Variants in KIF26B observed in about 807,000 individuals in gnomAD.
The protein encoded by KIF26B is kinesin family member 26B, also known as kinesin-like protein KIF26B.
KIF26B carries 63 observed loss-of-function variants against 151.2 expected under a neutral mutation model. The ratio of observed to expected loss-of-function variants is 0.42; its 90% CI spans 0.34 to 0.51. The LOEUF is 0.51. KIF26B is among the 20% of genes least tolerant of loss of function. The pLI is 0.07. For missense variants in KIF26B, 2,813 were observed against 2,913.6 expected (o/e 0.97, Z 0.79); for synonymous variants, 1,357 against 1,262.1 (o/e 1.08, Z -1.59).
intron 4 of KIF26B, among the ~76,000 whole-genome samples, chr1:245,446,034 A>G (rs1268472792): frequency 6.6e-6 from 1 of 152,220 alleles, no homozygotes; most frequent in Non-Finnish European, 1.5e-5. Context: ...ACGTTCTGAG[A>G]GAGGCATTGT....
intron 2 of KIF26B, among the ~76,000 whole-genome samples, chr1:245,291,138 C>T (rs1671248130): frequency 1.3e-5 from 2 of 152,224 alleles, no homozygotes; most frequent in Admixed American, 1.3e-4. Flanking sequence ...CCAGGCTCAA[C>T]TGGCACATCA....
chr1:245,359,014 TTC>T (rs780433775), intron 2 of KIF26B, among the ~76,000 whole-genome samples: 35 of 152,100 alleles, frequency 2.3e-4, no homozygotes, highest in South Asian at 4.2e-4. Flanking sequence ...GAAATCAGGT[TTC>T]TCTCTCTTTT....
chr1:245,492,977 C>T (rs992652237), intron 4 of KIF26B, among the ~76,000 whole-genome samples: 3 of 152,200 alleles, frequency 2.0e-5, no homozygotes, highest in South Asian at 4.2e-4. Flanking sequence ...GACGGGGTTT[C>T]ATCATGTTGG....
chr1:245,214,153 C>T (rs764530943), intron 2 of KIF26B: 2 of 152,124 alleles, frequency 1.3e-5, no homozygotes, highest in East Asian at 1.9e-4. Context: ...TCATTACATA[C>T]CTCAGTGACC....
chr1:245,222,372 G>A (rs1179382298), intron 2 of KIF26B, among the ~76,000 whole-genome samples: 1 of 152,156 alleles, frequency 6.6e-6, no homozygotes, highest in East Asian at 1.9e-4. Context: ...GGGAGGCGGA[G>A]GTTGCAGTGT....
chr1:245,310,987 C>T lies in KIF26B; in HGVS notation c.466-55847C>T, dbSNP rs71636541. 6.8e-3 allele frequency among the ~76,000 whole-genome samples: 1,040 copies of T among 152,302 alleles called. 6 individuals carry two copies. Among genetic ancestry groups the T allele is most frequent in the Middle Eastern group, 0.024 (7 of 294 alleles). On this transcript the variant is annotated intron_variant, in intron 2 of 14. Coordinates refer to ENST00000407071, the MANE Select transcript of KIF26B (RefSeq NM_018012.4). ...TTGACGCTACACTCTGATTTCCTCA[C>T]CCCACCTCACTGTCTTGCCAGTTCC...
chr1:245,276,496 C>G (rs1345741536), intron 2 of KIF26B, among the ~76,000 whole-genome samples: 1 of 152,174 alleles, frequency 6.6e-6, no homozygotes, highest in Middle Eastern at 3.2e-3. Context: ...TAAACCATTT[C>G]CTTTATTCTC....
At chr1:245,270,290 C>CTT (rs1482186568) in intron 2 of KIF26B, among the ~76,000 whole-genome samples, 2 of 73,596 alleles carry the variant, frequency 2.7e-5, no homozygotes, top group Admixed American at 2.5e-4. Context: ...TCTTTCCTTC[C>CTT]CTTCCCTTCC....
chr1:245,344,265 T>C (rs979385976), intron 2 of KIF26B, among the ~76,000 whole-genome samples: 1 of 151,996 alleles, frequency 6.6e-6, no homozygotes, highest in African/African-American at 2.4e-5. Flanking sequence ...TTATTTTTCT[T>C]CCATCTCTTA....
intron 10 of KIF26B, among the ~76,000 whole-genome samples, chr1:245,670,281 T>C (rs2044269154): frequency 8.6e-6 from 1 of 116,940 alleles, no homozygotes; most frequent in Non-Finnish European, 1.8e-5. Context: ...TATATATATA[T>C]GCACACACAC....
Position 245,366,907 on chromosome 1 carries a change from G to C in KIF26B, c.539G>C (p.Arg180Pro). The change falls in exon 3 of 15, where the codon CGG becomes CCG. Residue 180 changes from arginine (R) to proline (P), a missense_variant. Physicochemically the swap from Arg to Pro is moderately radical, Grantham distance 103 (BLOSUM62 -2). Transcript: ENST00000407071. ...PNTIRKAWND[R>P]DNRCDICATH... is the part of the protein sequence containing the mutation. ...ACCATCCGGAAGGCATGGAACGACC[G>C]GGACAACCGCTGTGACATTTGCGCC... is the stretch of plus-strand genomic sequence containing the variant. The C allele has an allele frequency of 1.2e-6, 2 of 1,614,010 alleles. No individual in the cohort carries two copies. The highest frequency in any genetic ancestry group is 1.7e-6 in the Non-Finnish European group (2 of 1,179,898).
chr1:245,304,591 T>C (rs1671500823), intron 2 of KIF26B, among the ~76,000 whole-genome samples: 1 of 152,078 alleles, frequency 6.6e-6, no homozygotes, highest in African/African-American at 2.4e-5. Flanking sequence ...AGCCCAAGTC[T>C]AAAAAAAATT....
chr1:245,357,151 A>G lies in KIF26B; in HGVS notation c.466-9683A>G, dbSNP rs183292905. ...GTCCTGCAGAGCCCATGGCAGGGAC[A>G]TTGACTTTGACTCTGAAGGAAGTGG... On this transcript the variant is annotated intron_variant, in intron 2 of 14. Coordinates refer to ENST00000407071, the MANE Select transcript of KIF26B (RefSeq NM_018012.4). Among the ~76,000 whole-genome samples the G allele has an allele frequency of 2.7e-3, 413 of 152,320 alleles. 3 individuals carry two copies. The highest frequency in any genetic ancestry group is 8.8e-4 in the Non-Finnish European group (60 of 68,034).
At chr1:245,478,467 G>A (rs899179276) in intron 4 of KIF26B, among the ~76,000 whole-genome samples, 15 of 127,598 alleles carry the variant, frequency 1.2e-4, no homozygotes, top group South Asian at 2.5e-4. Context: ...TTGCTCTGTC[G>A]CCCAGGCTGG....
intron 4 of KIF26B, among the ~76,000 whole-genome samples, chr1:245,532,223 CTTTTCT>C (rs1661380129): frequency 1.0e-5 from 1 of 95,396 alleles, no homozygotes; most frequent in African/African-American, 4.1e-5. Flanking sequence ...ATTCTTTTTT[CTTTTCT>C]TTTCTTTTCT....
At chr1:245,580,970 C>T (rs1427083758) in intron 5 of KIF26B, among the ~76,000 whole-genome samples, 1 of 152,238 alleles carries the variant, frequency 6.6e-6, no homozygotes, top group African/African-American at 2.4e-5. Flanking sequence ...ATGACGCAGA[C>T]CCGAGACAAG....
At position 245,706,224 on chromosome 1, in the gene KIF26B, G is replaced by A. The variant is rs139893468; in HGVS notation, c.*3618G>A. The A allele has an allele frequency of 3.9e-5, 6 of 152,272 alleles. No homozygotes were observed. In the East Asian group the frequency reaches 1.2e-3, roughly 29 times the overall value. 9.4% of individuals were successfully genotyped at this position (152,272 alleles called of 1,614,324 possible). A position where few individuals can be genotyped will look rare whatever the true frequency, so the allele number is the denominator to read the frequency against. On this transcript the variant is annotated 3_prime_UTR_variant, in exon 15 of 15. Transcript: ENST00000407071. ...GGTGGAGGTTCAAAAAGTCTTATAC[G>A]CACCTACAAGTCTCACGCTTGCTGC... is the stretch of plus-strand genomic sequence containing the variant.
At chr1:245,197,775 A>G (rs766259670) in intron 2 of KIF26B, among the ~76,000 whole-genome samples, 40 of 152,208 alleles carry the variant, frequency 2.6e-4, no homozygotes, top group Non-Finnish European at 5.0e-4. Flanking sequence ...TTGAAATTTT[A>G]ATGCCCAAAA....
In KIF26B at chr1:245,702,540, T is replaced by C. The variant is rs1278974241; in HGVS notation, c.6261T>C (p.Arg2087=). Residue 2087 remains arginine, a synonymous_variant, in exon 15 of 15, where the codon CGT becomes CGC. Coordinates refer to ENST00000407071, the MANE Select transcript of KIF26B (RefSeq NM_018012.4). This position sits in a 1 kb window ranked among gnomAD's most constrained non-coding sequence, Gnocchi z 4.1. ...LECVTERLES[R]VNFCKAHLMM... is the part of the protein sequence containing the mutation. ...GTGTGACGGAGCGCCTGGAGAGCCG[T>C]GTCAACTTCTGCAAGGCCCATCTCA... The C allele has an allele frequency of 1.2e-6, 2 of 1,613,976 alleles. No individual in the cohort carries two copies. Among genetic ancestry groups the C allele is most frequent in the Admixed American group, 1.7e-5 (1 of 60,024 alleles).
Sources: allele counts gnomAD v4.1 joint callset (sites outside exome capture counted in the v4.1 genomes callset), GRCh38; gene constraint gnomAD v4.1.1; non-coding constraint Gnocchi (gnomAD v3.1); transcripts MANE v1.5; gene names NCBI Gene and HGNC (gene_info 2026-07-23, HGNC 2026-07-21).